TMTC2: variants seen among roughly 807,000 people sequenced by gnomAD.
The protein encoded by TMTC2 is protein O-mannosyl-transferase TMTC2.
TMTC2 carries 43 observed loss-of-function variants against 82.4 expected under a neutral mutation model. The observed-to-expected ratio is 0.52, with a 90% confidence interval of 0.41 to 0.67. The LOEUF is 0.67. TMTC2 is among the 30% of genes least tolerant of loss of function. TMTC2 has a pLI of 0.00. For synonymous variants in TMTC2, 408 were observed against 381.9 expected (o/e 1.07, Z -0.80); for missense variants, 919 against 1,012.4 (o/e 0.91, Z 1.25).
intron 1 of TMTC2, among the ~76,000 whole-genome samples, chr12:82,842,175 A>T (rs952339770): frequency 1.3e-5 from 2 of 152,164 alleles, no homozygotes; most frequent in African/African-American, 4.8e-5. Context: ...TTCTTTAATT[A>T]ACTTAACCCC....
chr12:83,096,950 C>A (rs1330304625), intron 11 of TMTC2, among the ~76,000 whole-genome samples: 2 of 152,146 alleles, frequency 1.3e-5, no homozygotes, highest in Non-Finnish European at 2.9e-5. Flanking sequence ...CATAATTAAT[C>A]TTTATATATT....
chr12:82,699,281 T>C (rs796400233), intron 1 of TMTC2, among the ~76,000 whole-genome samples: 7 of 152,346 alleles, frequency 4.6e-5, no homozygotes, highest in African/African-American at 1.7e-4. Flanking sequence ...GCAGTTTTTG[T>C]TCTCTTCTGT....
rs934004821 is a variant in TMTC2 at position 82,965,499 on chromosome 12, C to T, written c.1685-61C>T. On this transcript the variant is annotated intron_variant, in intron 5 of 11. Coordinates refer to ENST00000321196, the MANE Select transcript of TMTC2 (RefSeq NM_152588.3). ...AGAAACCAAATTGAAACAAAGAAAA[C>T]TTTATTTTATTCAAGTGTATATCAT... 124 of 1,566,574 alleles carry T rather than the reference C, an allele frequency of 7.9e-5. No individual in the cohort carries two copies. The Middle Eastern group carries it at 2.0e-3, about 26-fold the overall frequency.
intron 7 of TMTC2, among the ~76,000 whole-genome samples, chr12:82,969,978 G>C (rs1878377697): frequency 6.6e-6 from 1 of 152,136 alleles, no homozygotes; most frequent in Non-Finnish European, 1.5e-5. Flanking sequence ...GAAATATTAA[G>C]AGAACAAATC....
chr12:82,977,572 A>G (rs1311394653), intron 7 of TMTC2, among the ~76,000 whole-genome samples: 1 of 151,884 alleles, frequency 6.6e-6, no homozygotes, highest in African/African-American at 2.4e-5. Context: ...GTCTCATACC[A>G]CATAGCAAAG....
At chr12:82,771,059 T>C (rs951687251) in intron 1 of TMTC2, among the ~76,000 whole-genome samples, 5 of 151,888 alleles carry the variant, frequency 3.3e-5, no homozygotes, top group African/African-American at 1.2e-4. Context: ...ATACAAAAAT[T>C]AGCCAGGCAT....
chr12:82,876,100 G>GTGGTGGTGGTGGTGGTGGTATTAGTAA (rs1872535327), intron 2 of TMTC2, among the ~76,000 whole-genome samples: 3 of 136,814 alleles, frequency 2.2e-5, no homozygotes, highest in Admixed American at 7.3e-5. Flanking sequence ...ATTCATAATG[G>GTGGTGGTGGTGGTGGTGGTATTAGTAA]TGGTGGTGGT....
At chr12:82,924,446 T>A (rs1156542897) in intron 3 of TMTC2, among the ~76,000 whole-genome samples, 2 of 152,244 alleles carry the variant, frequency 1.3e-5, no homozygotes, top group Non-Finnish European at 2.9e-5. Flanking sequence ...TTTGTTTTGC[T>A]TTATCATGAT....
At chr12:82,826,866 G>A (rs1592554207) in intron 1 of TMTC2, among the ~76,000 whole-genome samples, 1 of 152,132 alleles carries the variant, frequency 6.6e-6, no homozygotes, top group Non-Finnish European at 1.5e-5. Context: ...AAATATTAGT[G>A]TCTGAAATTT....
intron 1 of TMTC2, among the ~76,000 whole-genome samples, chr12:82,774,239 ATG>A (rs1565744567): frequency 1.3e-5 from 2 of 152,256 alleles, no homozygotes; most frequent in South Asian, 2.1e-4. Context: ...ATATATGTGT[ATG>A]TGTGTGTATA....
At chr12:83,122,933 T>A (rs1885000236) in intron 11 of TMTC2, among the ~76,000 whole-genome samples, 2 of 152,204 alleles carry the variant, frequency 1.3e-5, no homozygotes, top group Admixed American at 1.3e-4. Flanking sequence ...AACCCAGCTT[T>A]GAAAATAGGA....
chr12:82,823,808 T>G (rs1339391861), intron 1 of TMTC2, among the ~76,000 whole-genome samples: 2 of 151,982 alleles, frequency 1.3e-5, no homozygotes, highest in East Asian at 3.8e-4. Context: ...CTCTCTACCC[T>G]CTGTTCACCC....
At chr12:82,844,111 C>G (rs1870497655) in intron 1 of TMTC2, among the ~76,000 whole-genome samples, 1 of 152,154 alleles carries the variant, frequency 6.6e-6, no homozygotes, top group African/African-American at 2.4e-5. Flanking sequence ...AACTTTTTCC[C>G]CTTTTACTTT....
intron 8 of TMTC2, among the ~76,000 whole-genome samples, chr12:83,009,242 C>T (rs1880344526): frequency 6.6e-6 from 1 of 152,114 alleles, no homozygotes; most frequent in South Asian, 2.1e-4. Flanking sequence ...TTCTACTTCC[C>T]CTGCCATCAC....
chr12:82,955,536 A>G (rs984552947), intron 4 of TMTC2, among the ~76,000 whole-genome samples: 1 of 152,172 alleles, frequency 6.6e-6, no homozygotes, highest in Middle Eastern at 3.2e-3. Flanking sequence ...TCCTAGGGAA[A>G]AGAAATACTA....
At chr12:82,987,966 A>C (rs186164871) in intron 8 of TMTC2, among the ~76,000 whole-genome samples, 146 of 152,310 alleles carry the variant, frequency 9.6e-4, no homozygotes, top group African/African-American at 3.5e-3. Context: ...TGGAATTCCG[A>C]AGCCAATAAA....
At chr12:82,995,136 T>G (rs1879559139) in intron 8 of TMTC2, among the ~76,000 whole-genome samples, 1 of 152,186 alleles carries the variant, frequency 6.6e-6, no homozygotes, top group African/African-American at 2.4e-5. Flanking sequence ...GTAATTTTTT[T>G]CTAATAATAT....
intron 8 of TMTC2, among the ~76,000 whole-genome samples, chr12:82,995,337 TACACACACAC>T (rs59534444): frequency 1.3e-4 from 20 of 150,090 alleles, no homozygotes; most frequent in Non-Finnish European, 3.0e-4. Context: ...CACACACACA[TACACACACAC>T]ACACACGCAC....
chr12:82,826,257 T>C lies in TMTC2; in HGVS notation c.84-30753T>C, dbSNP rs149106565. Among the ~76,000 whole-genome samples the C allele has an allele frequency of 7.2e-5, 11 of 152,300 alleles. No individual in the cohort carries two copies. The East Asian group carries it at 1.2e-3, about 16-fold the overall frequency. On this transcript the variant is annotated intron_variant, in intron 1 of 11. Coordinates refer to ENST00000321196, the MANE Select transcript of TMTC2 (RefSeq NM_152588.3). The stretch of plus-strand genomic sequence containing the variant: ...CATCCTGGTGTATCTTTCCTTCTTA[T>C]GGTGAGTTTAGATTAAAAGGGCAGT...
Sources: gnomAD v4.1 joint callset for allele counts (sites outside exome capture counted in the v4.1 genomes callset) on GRCh38, gnomAD v4.1.1 for gene constraint, MANE v1.5 for transcripts, NCBI Gene and HGNC (gene_info 2026-07-23, HGNC 2026-07-21) for gene names.